Variants in MRAP2 observed in about 807,000 individuals in gnomAD.
MRAP2 encodes melanocortin 2 receptor accessory protein 2, also known as melanocortin-2 receptor accessory protein 2.
In MRAP2, 20 loss-of-function variants were observed where a neutral mutation model predicts 17.4. That is an observed-to-expected ratio of 1.15 (90% confidence interval 0.81 to 1.67). The LOEUF (loss-of-function observed/expected upper bound fraction) is 1.67. Ranked by LOEUF, MRAP2 falls within the 40% of genes most tolerant of loss-of-function variation. The pLI is 0.00. For missense variants in MRAP2, 238 were observed against 240.0 expected, an observed-to-expected ratio of 0.99 and a Z score of 0.05; for synonymous variants, 96 against 88.4, an observed-to-expected ratio of 1.09 and a Z score of -0.48.
At chr6:84,110,396 A>G in the MRAP2 span, among the ~76,000 whole-genome samples, 1 of 152,188 alleles carries the variant, frequency 6.6e-6, no homozygotes, top group Non-Finnish European at 1.5e-5. Flanking sequence ...TTCTTTTGAG[A>G]ACTGTCTGTT....
At chr6:84,067,927 C>T (rs1385291668) in intron 3 of MRAP2, among the ~76,000 whole-genome samples, 1 of 152,070 alleles carries the variant, frequency 6.6e-6, no homozygotes, top group Non-Finnish European at 1.5e-5. Context: ...GTCTTTATTG[C>T]ATTTGCTTTT....
At chr6:84,107,731 C>T in the MRAP2 span, among the ~76,000 whole-genome samples, 25 of 152,288 alleles carry the variant, frequency 1.6e-4, no homozygotes, top group African/African-American at 5.8e-4. Flanking sequence ...CTGGCCTTAC[C>T]AGCTGAAAGC....
intron 3 of MRAP2, among the ~76,000 whole-genome samples, chr6:84,074,241 G>A (rs2099497034): frequency 6.6e-6 from 1 of 152,216 alleles, no homozygotes; most frequent in African/African-American, 2.4e-5. Flanking sequence ...AAGTGAAACA[G>A]TAAGATGAAT....
chr6:84,106,734 C>T, the MRAP2 span, among the ~76,000 whole-genome samples: 2 of 152,146 alleles, frequency 1.3e-5, no homozygotes, highest in East Asian at 3.9e-4. Flanking sequence ...GCCACCTCTT[C>T]ATGTAACATA....
downstream of MRAP2, among the ~76,000 whole-genome samples, chr6:84,092,934 T>C (rs2099502019): frequency 6.6e-6 from 1 of 152,174 alleles, no homozygotes; most frequent in African/African-American, 2.4e-5. Flanking sequence ...TAACAAATCC[T>C]TCAAACTGGG....
chr6:84,103,723 C>G, the MRAP2 span, among the ~76,000 whole-genome samples: 1 of 152,152 alleles, frequency 6.6e-6, no homozygotes, highest in Non-Finnish European at 1.5e-5. Flanking sequence ...AGCTCTATTT[C>G]TATTATCTGT....
chr6:84,062,443 T>C (rs763071209), intron 2 of MRAP2: 8 of 730,246 alleles, frequency 1.1e-5, no homozygotes, highest in Non-Finnish European at 1.3e-5. Flanking sequence ...AGCTTCCCGG[T>C]TCAAGAATTT....
chr6:84,133,281 G>A, the MRAP2 span, among the ~76,000 whole-genome samples: 5 of 152,208 alleles, frequency 3.3e-5, no homozygotes, highest in African/African-American at 1.2e-4. Context: ...ATTGGGAGGT[G>A]TCTCCCAGTT....
At chr6:84,050,009 A>G (rs2099490034) in intron 1 of MRAP2, among the ~76,000 whole-genome samples, 1 of 142,042 alleles carries the variant, frequency 7.0e-6, no homozygotes, top group African/African-American at 3.1e-5. Context: ...CGTGCGTGTA[A>G]TGTCTCTAGA....
chr6:84,119,213 GA>G, the MRAP2 span, among the ~76,000 whole-genome samples: 1 of 152,068 alleles, frequency 6.6e-6, no homozygotes, highest in East Asian at 1.9e-4. Flanking sequence ...CTATTTCTGT[GA>G]AAAATATTAT....
At chr6:84,045,544 C>T (rs2099488773) in intron 1 of MRAP2, among the ~76,000 whole-genome samples, 1 of 152,136 alleles carries the variant, frequency 6.6e-6, no homozygotes, top group Non-Finnish European at 1.5e-5. Context: ...GGGTGAATCG[C>T]TTGAGGCCAG....
At chr6:84,037,858 C>T (rs946769700) in intron 1 of MRAP2, among the ~76,000 whole-genome samples, 1 of 152,128 alleles carries the variant, frequency 6.6e-6, no homozygotes, top group African/African-American at 2.4e-5. Flanking sequence ...GGAGCCAGCT[C>T]CAGCCTCGGC....
chr6:84,079,274 T>C (rs2099498372), intron 3 of MRAP2, among the ~76,000 whole-genome samples: 1 of 139,384 alleles, frequency 7.2e-6, no homozygotes, highest in African/African-American at 2.5e-5. Context: ...CTCAAAAACA[T>C]TGAGCAAAAG....
chr6:84,078,621 T>C (rs200150727), intron 3 of MRAP2, among the ~76,000 whole-genome samples: 1 of 152,180 alleles, frequency 6.6e-6, no homozygotes, highest in East Asian at 1.9e-4. Context: ...GGTGGATCCC[T>C]TGTGAATGGC....
At chr6:84,082,953 C>G (rs954367828) in intron 3 of MRAP2, among the ~76,000 whole-genome samples, 1 of 152,178 alleles carries the variant, frequency 6.6e-6, no homozygotes, top group East Asian at 1.9e-4. Flanking sequence ...ACAGACACCC[C>G]TTCCCCTTTT....
At chr6:84,062,206 A>G (rs908545758) in intron 2 of MRAP2, 2 of 673,866 alleles carry the variant, frequency 3.0e-6, no homozygotes, top group Admixed American at 1.3e-4. Flanking sequence ...CTAGGTAAGC[A>G]AACTGAAAAC....
At chr6:84,139,758 G>C in the MRAP2 span, among the ~76,000 whole-genome samples, 1 of 152,136 alleles carries the variant, frequency 6.6e-6, no homozygotes, top group African/African-American at 2.4e-5. Flanking sequence ...AAAATTCTTT[G>C]AATTTGTGAC....
chr6:84,069,677 C>T (rs1161845998), intron 3 of MRAP2, among the ~76,000 whole-genome samples: 1 of 152,142 alleles, frequency 6.6e-6, no homozygotes, highest in Non-Finnish European at 1.5e-5. Context: ...GGTACCAATT[C>T]TTCTTTGAAT....
At chr6:84,045,808 CAT>C (rs1252937010) in intron 1 of MRAP2, among the ~76,000 whole-genome samples, 1 of 152,134 alleles carries the variant, frequency 6.6e-6, no homozygotes, top group South Asian at 2.1e-4. Context: ...TGTATGTTCA[CAT>C]GTGTGCTTTC....
Sources: allele counts gnomAD v4.1 joint callset (sites outside exome capture counted in the v4.1 genomes callset), GRCh38; gene constraint gnomAD v4.1.1; transcripts MANE v1.5; gene names NCBI Gene and HGNC (gene_info 2026-07-23, HGNC 2026-07-21).